The following CSMD1 variants were observed in gnomAD, a reference collection of about 807,000 sequenced individuals.
The protein encoded by CSMD1 is CUB and Sushi multiple domains 1.
A neutral mutation model predicts 417.5 loss-of-function variants in CSMD1; 213 were observed. That is an observed-to-expected ratio of 0.51 (90% CI 0.46 to 0.57). The LOEUF (loss-of-function observed/expected upper bound fraction) is 0.57, where lower values mean the gene tolerates loss of function less well. Among genes scored for constraint, CSMD1 ranks in the 20% least tolerant of loss-of-function variants. The pLI is 0.00. For missense variants in CSMD1, 6,923 were observed against 4,529.7 expected, an observed-to-expected ratio of 1.53 and a Z score of -15.17; for synonymous variants, 2,862 against 1,736.8, an observed-to-expected ratio of 1.65 and a Z score of -16.11.
chr8:4,971,757 T>C (rs1810253432), intron 1 of CSMD1, among the ~76,000 whole-genome samples: 1 of 151,812 alleles, frequency 6.6e-6, no homozygotes, highest in South Asian at 2.1e-4. Flanking sequence ...AACTTTTATG[T>C]CCTAATTCCT....
At chr8:3,858,614 G>C (rs763440180) in intron 5 of CSMD1, among the ~76,000 whole-genome samples, 18 of 151,906 alleles carry the variant, frequency 1.2e-4, no homozygotes, top group Non-Finnish European at 2.1e-4. Context: ...GTTCTCGAAG[G>C]CCTATTTAAA....
intron 1 of CSMD1, among the ~76,000 whole-genome samples, chr8:4,756,882 A>C (rs1470156185): frequency 6.6e-6 from 1 of 152,372 alleles, no homozygotes; most frequent in African/African-American, 2.4e-5. Flanking sequence ...ACCTGAAAGC[A>C]AACTTGGCAG....
intron 5 of CSMD1, among the ~76,000 whole-genome samples, chr8:3,935,075 T>C (rs1810390651): frequency 1.3e-5 from 2 of 152,144 alleles, no homozygotes; most frequent in Admixed American, 6.5e-5. Context: ...ATAACTACAA[T>C]ATGCTTACAT....
chr8:3,684,778 C>G (rs1200662940), intron 7 of CSMD1, among the ~76,000 whole-genome samples: 2 of 151,964 alleles, frequency 1.3e-5, no homozygotes, highest in African/African-American at 4.8e-5. Flanking sequence ...TTGACGGCAG[C>G]CTAATTTTAG....
intron 5 of CSMD1, among the ~76,000 whole-genome samples, chr8:3,766,825 CA>C (rs1798296649): frequency 4.6e-5 from 7 of 152,092 alleles, no homozygotes; most frequent in Admixed American, 3.9e-4. Context: ...TAGCTCATTC[CA>C]AGAGCCTGAA....
chr8:3,252,244 C>G (rs1344104008), intron 26 of CSMD1, among the ~76,000 whole-genome samples: 1 of 152,056 alleles, frequency 6.6e-6, no homozygotes, highest in Admixed American at 6.6e-5. Context: ...CCATCAATAC[C>G]TGATTTATTG....
chr8:3,517,673 A>G (rs941944035), intron 10 of CSMD1, among the ~76,000 whole-genome samples: 2 of 152,112 alleles, frequency 1.3e-5, no homozygotes, highest in Non-Finnish European at 2.9e-5. Flanking sequence ...AGCTAACACA[A>G]TTTTTCACTT....
chr8:3,919,243 A>T (rs1443138738), intron 5 of CSMD1, among the ~76,000 whole-genome samples: 9 of 147,866 alleles, frequency 6.1e-5, no homozygotes, highest in Non-Finnish European at 1.2e-4. Flanking sequence ...TATGCCAAGG[A>T]TTTTTAAAAA....
chr8:4,485,021 GAA>G (rs1284135709), intron 2 of CSMD1, among the ~76,000 whole-genome samples: 1 of 92,078 alleles, frequency 1.1e-5, no homozygotes, highest in African/African-American at 4.5e-5. Flanking sequence ...AAAAAAAAAA[GAA>G]AGAGTCACTA....
At chr8:4,409,686 C>T (rs1321909371) in intron 3 of CSMD1, among the ~76,000 whole-genome samples, 2 of 141,690 alleles carry the variant, frequency 1.4e-5, no homozygotes, top group African/African-American at 5.3e-5. Flanking sequence ...GATAAAGAGA[C>T]AAAGCACAGA....
At chr8:3,262,223 A>ATC (rs1801131750) in intron 26 of CSMD1, among the ~76,000 whole-genome samples, 1 of 127,066 alleles carries the variant, frequency 7.9e-6, no homozygotes, top group Non-Finnish European at 1.6e-5. Context: ...ATATATATAT[A>ATC]TATATATACA....
intron 3 of CSMD1, among the ~76,000 whole-genome samples, chr8:4,241,256 C>A (rs747997041): frequency 2.0e-5 from 3 of 152,216 alleles, no homozygotes; most frequent in Non-Finnish European, 4.4e-5. Context: ...ATATACACCA[C>A]AGGGCCCTAA....
At chr8:4,189,539 G>C (rs1798890774) in intron 3 of CSMD1, among the ~76,000 whole-genome samples, 1 of 152,054 alleles carries the variant, frequency 6.6e-6, no homozygotes, top group South Asian at 2.1e-4. Context: ...CAACTTTATG[G>C]TTACCATCAA....
At chr8:4,874,305 A>G (rs1157099849) in intron 1 of CSMD1, among the ~76,000 whole-genome samples, 1 of 151,956 alleles carries the variant, frequency 6.6e-6, no homozygotes, top group Non-Finnish European at 1.5e-5. Flanking sequence ...CTATTTATCA[A>G]TTAGTTTATT....
At chr8:4,957,305 A>T (rs1030701223) in intron 1 of CSMD1, among the ~76,000 whole-genome samples, 1 of 152,214 alleles carries the variant, frequency 6.6e-6, no homozygotes, top group African/African-American at 2.4e-5. Flanking sequence ...AAAGCCCCTA[A>T]TATTTTTTTA....
At chr8:4,388,385 G>C (rs1039931092) in intron 3 of CSMD1, among the ~76,000 whole-genome samples, 1 of 151,276 alleles carries the variant, frequency 6.6e-6, no homozygotes, top group South Asian at 2.1e-4. Context: ...AAAAATGCAT[G>C]AATTAATGGC....
intron 37 of CSMD1, among the ~76,000 whole-genome samples, chr8:3,174,174 T>C (rs1049452049): frequency 2.0e-5 from 3 of 152,216 alleles, no homozygotes; most frequent in African/African-American, 7.2e-5. Context: ...CAGTTAGTTA[T>C]ATTATGTTCC....
At chr8:4,111,999 A>G (rs571063758) in intron 3 of CSMD1, among the ~76,000 whole-genome samples, 3 of 152,334 alleles carry the variant, frequency 2.0e-5, no homozygotes, top group African/African-American at 7.2e-5. Context: ...TTTTGTTTAT[A>G]CCAAGTCTTT....
chr8:3,447,514 T>G (rs1022485817), intron 12 of CSMD1, among the ~76,000 whole-genome samples: 1 of 152,180 alleles, frequency 6.6e-6, no homozygotes, highest in African/African-American at 2.4e-5. Flanking sequence ...GGCAGTGTAC[T>G]TTGTGCGGCT....
Sources: gnomAD v4.1 joint callset for allele counts (sites outside exome capture counted in the v4.1 genomes callset) on GRCh38, gnomAD v4.1.1 for gene constraint, MANE v1.5 for transcripts, NCBI Gene and HGNC (gene_info 2026-07-23, HGNC 2026-07-21) for gene names.